The following LPAR3 variants were observed in gnomAD, a reference collection of about 807,000 sequenced individuals.
LPAR3 encodes lysophosphatidic acid receptor 3, also known as LPA receptor 3.
In LPAR3, 7 loss-of-function variants were observed where a neutral mutation model predicts 17.8. The ratio of observed to expected loss-of-function variants is 0.39; its 90% CI spans 0.22 to 0.74. LPAR3 has a LOEUF of 0.74. LPAR3 is among the 30% of genes least tolerant of loss of function. LPAR3 has a pLI of 0.40. For missense variants in LPAR3, 391 were observed against 453.4 expected (o/e 0.86, Z 1.25); for synonymous variants, 179 against 179.9 (o/e 0.99, Z 0.04).
chr1:84,843,903 C>T (rs948407786), intron 2 of LPAR3, among the ~76,000 whole-genome samples: 17 of 152,198 alleles, frequency 1.1e-4, no homozygotes, highest in African/African-American at 3.9e-4. Context: ...TACCCTGCAT[C>T]TGGGTTTCTG....
intron 2 of LPAR3, among the ~76,000 whole-genome samples, chr1:84,847,246 C>T (rs868335499): frequency 6.6e-6 from 1 of 152,270 alleles, no homozygotes; most frequent in African/African-American, 2.4e-5. Context: ...TTCATAGTAA[C>T]TCTTGCTTCT....
intron 2 of LPAR3, among the ~76,000 whole-genome samples, chr1:84,849,372 CAAAAAAAAAAAA>C (rs34239236): frequency 2.6e-5 from 2 of 77,548 alleles, no homozygotes; most frequent in Admixed American, 1.6e-4. Context: ...AGACTCATCT[CAAAAAAAAAAAA>C]AAAAAAAAAG....
At chr1:84,861,119 C>A (rs1659933090) in intron 2 of LPAR3, among the ~76,000 whole-genome samples, 1 of 152,172 alleles carries the variant, frequency 6.6e-6, no homozygotes, top group African/African-American at 2.4e-5. Context: ...ATCATAAAGA[C>A]ATTTAAATCC....
chr1:84,838,816 G>A (rs1312321090), intron 2 of LPAR3, among the ~76,000 whole-genome samples: 1 of 152,186 alleles, frequency 6.6e-6, no homozygotes, highest in Non-Finnish European at 1.5e-5. Flanking sequence ...CGACTGACCC[G>A]CCCACCTCTC....
At chr1:84,840,148 T>C (rs1659480195) in intron 2 of LPAR3, among the ~76,000 whole-genome samples, 1 of 152,192 alleles carries the variant, frequency 6.6e-6, no homozygotes, top group Non-Finnish European at 1.5e-5. Context: ...GGTTTCAAAC[T>C]CCTGGGCTCA....
At chr1:84,841,134 A>G (rs11588742) in intron 2 of LPAR3, among the ~76,000 whole-genome samples, 9,472 of 152,284 alleles carry the variant, frequency 0.062, 411 homozygotes, top group South Asian at 0.12. Flanking sequence ...GGCAATGAAA[A>G]TAATAAGTAT....
chr1:84,881,989 T>C (rs1447711448), intron 1 of LPAR3, among the ~76,000 whole-genome samples: 1 of 152,146 alleles, frequency 6.6e-6, no homozygotes, highest in South Asian at 2.1e-4. Flanking sequence ...CCACAGCAAT[T>C]AGGCAAGAAA....
chr1:84,821,242 GA>G (rs1180007154), intron 2 of LPAR3, among the ~76,000 whole-genome samples: 2 of 152,138 alleles, frequency 1.3e-5, no homozygotes, highest in Non-Finnish European at 2.9e-5. Context: ...AGACGGAGGA[GA>G]GGGGGTGTTA....
At chr1:84,859,738 T>G (rs1659900159) in intron 2 of LPAR3, among the ~76,000 whole-genome samples, 1 of 152,244 alleles carries the variant, frequency 6.6e-6, no homozygotes, top group Admixed American at 6.5e-5. Flanking sequence ...ACAGGAGGGT[T>G]CATGGAAGAC....
At position 84,814,119 on chromosome 1, in the gene LPAR3, G is replaced by A. The variant is rs1321416478; in HGVS notation, c.789C>T (p.Gly263=). The change falls in exon 3 of 3, where the codon GGC becomes GGT. Residue 263 remains glycine, a synonymous_variant. Transcript: ENST00000370611. The stretch of plus-strand genomic sequence containing the variant: ...GCACGCCACACTGCCTGCAGTTCAG[G>A]CCGTCGAGGAGCAGAACCACCAGGC... ...TPGLVVLLLD[G]LNCRQCGVQH... 6.2e-7 allele frequency: 1 copy of A among 1,614,116 alleles called. No individual in the cohort carries two copies. Among genetic ancestry groups the A allele is most frequent in the East Asian group, 2.2e-5 (1 of 44,872 alleles).
intron 2 of LPAR3, among the ~76,000 whole-genome samples, chr1:84,852,298 C>A (rs981675798): frequency 1.3e-5 from 2 of 152,102 alleles, no homozygotes; most frequent in Admixed American, 1.3e-4. Context: ...CCAGGATGGT[C>A]TCGATCTCTT....
In LPAR3 at chr1:84,827,051, T is replaced by C. The variant is rs577690673; in HGVS notation, c.737-12880A>G. Among the ~76,000 whole-genome samples the C allele has an allele frequency of 5.9e-5, 9 of 152,328 alleles. No individual in the cohort carries two copies. The South Asian group carries it at 1.9e-3, about 32-fold the overall frequency. ...GTTTCACTTAATTTTATCTACAGTT[T>C]ACTAAATAGAAAAATGCACCGCAAT... On this transcript the variant is annotated intron_variant, in intron 2 of 2. Transcript: ENST00000370611.
intron 2 of LPAR3, among the ~76,000 whole-genome samples, chr1:84,840,467 A>C (rs1243071376): frequency 2.6e-5 from 4 of 152,224 alleles, no homozygotes; most frequent in African/African-American, 9.6e-5. Context: ...AATAACAAAA[A>C]CCAACAATGG....
chr1:84,892,658 C>CCATCACGTGTTCTTTCCAAACACG (rs1660574200), intron 1 of LPAR3, among the ~76,000 whole-genome samples: 2 of 152,244 alleles, frequency 1.3e-5, no homozygotes, highest in African/African-American at 2.4e-5. Flanking sequence ...GGCAATGAGA[C>CCATCACGTGTTCTTTCCAAACACG]TGAGTTTGGA....
intron 2 of LPAR3, 68 bp from the exon 3 acceptor site, chr1:84,814,239 C>A (rs983759066): frequency 7.3e-7 from 1 of 1,366,396 alleles, no homozygotes. Flanking sequence ...TTTCTTCTCT[C>A]CCAGCCTTTA....
At chr1:84,863,855 C>T (rs1263503469) in intron 2 of LPAR3, among the ~76,000 whole-genome samples, 2 of 152,152 alleles carry the variant, frequency 1.3e-5, no homozygotes, top group Non-Finnish European at 2.9e-5. Flanking sequence ...ATGACATTCC[C>T]CACCTTCTCC....
At chr1:84,885,934 A>G (rs1557610959) in intron 1 of LPAR3, among the ~76,000 whole-genome samples, 1 of 152,244 alleles carries the variant, frequency 6.6e-6, no homozygotes, top group East Asian at 1.9e-4. Flanking sequence ...AATTGTAGGT[A>G]TAAGTATGAA....
chr1:84,849,812 T>C (rs1483001280), intron 2 of LPAR3, among the ~76,000 whole-genome samples: 1 of 152,150 alleles, frequency 6.6e-6, no homozygotes. Context: ...AGAGGCAAGG[T>C]ACACAGCTAA....
intron 2 of LPAR3, among the ~76,000 whole-genome samples, chr1:84,851,904 C>G (rs566376104): frequency 5.3e-5 from 8 of 152,236 alleles, no homozygotes; most frequent in African/African-American, 1.9e-4. Flanking sequence ...AGGAAAATGC[C>G]TCAGCTGGTG....
Sources: allele counts gnomAD v4.1 joint callset (sites outside exome capture counted in the v4.1 genomes callset), GRCh38; gene constraint gnomAD v4.1.1; transcripts MANE v1.5; gene names NCBI Gene and HGNC (gene_info 2026-07-23, HGNC 2026-07-21).